The following TTC21B variants were observed in gnomAD, a reference collection of about 807,000 sequenced individuals.
TTC21B encodes tetratricopeptide repeat domain 21B, also known as tetratricopeptide repeat protein 21B.
Under a neutral mutation model 175.1 loss-of-function variants are expected in TTC21B, and 127 were observed. The ratio of observed to expected loss-of-function variants is 0.73; its 90% CI spans 0.63 to 0.84. TTC21B has a LOEUF of 0.84. Among genes scored for constraint, TTC21B ranks in the 40% least tolerant of loss-of-function variants. The pLI is 0.00. For synonymous variants in TTC21B, 524 were observed against 524.5 expected (o/e 1.00, Z 0.01); for missense variants, 1,561 against 1,558.3 (o/e 1.00, Z -0.03).
At chr2:165,921,557 G>A (rs566520608) in intron 12 of TTC21B, among the ~76,000 whole-genome samples, 1 of 152,188 alleles carries the variant, frequency 6.6e-6, no homozygotes, top group South Asian at 2.1e-4. Flanking sequence ...GAAACTGAGG[G>A]ACCTCCAAAT....
chr2:165,876,954 C>T (rs928300444), intron 27 of TTC21B, among the ~76,000 whole-genome samples: 1 of 152,106 alleles, frequency 6.6e-6, no homozygotes, highest in African/African-American at 2.4e-5. Flanking sequence ...CAGAGGAAGG[C>T]AGATTAGTCA....
Position 165,927,272 on chromosome 2 carries a change from ATATATATATATATCCTAGTAGT to A in TTC21B, c.1386+1841_1386+1862del, listed in dbSNP as rs1559064804. On this transcript the variant is annotated intron_variant, in intron 11 of 28. Transcript: ENST00000243344. ...TATATATATATATATCCTAGTAGTT[ATATATATATATATCCTAGTAGT>A]TATATATATATATTATATATTATAT... 4.6e-3 allele frequency among the ~76,000 whole-genome samples: 366 copies of A among 79,054 alleles called. 49 individuals are homozygous for A. Among genetic ancestry groups the A allele is most frequent in the East Asian group, 0.014 (42 of 3,068 alleles). 51.9% of individuals were successfully genotyped at this position (79,054 alleles called of 152,430 possible).
At chr2:165,894,481 A>C (rs1685295884) in intron 22 of TTC21B, among the ~76,000 whole-genome samples, 1 of 152,200 alleles carries the variant, frequency 6.6e-6, no homozygotes, top group Non-Finnish European at 1.5e-5. Context: ...TCTGTGGATA[A>C]GTATGTAAGG....
intron 4 of TTC21B, among the ~76,000 whole-genome samples, chr2:165,945,254 G>C (rs1421820200): frequency 6.6e-6 from 1 of 151,718 alleles, no homozygotes; most frequent in East Asian, 1.9e-4. Context: ...AGGAAAAAAA[G>C]GTAGAGAAAA....
rs199888705 is a variant in TTC21B, at chr2:165,929,671, C to A, written c.1164G>T (p.Gln388His). ...DQQLEFLNEIQQSIGKSAELI... is the reference protein window; with the variant it reads ...DQQLEFLNEIHQSIGKSAELI... ...GTACCGCAGATTTTCCAATGGATTG[C>A]TGGATTTCATTTAAAAATTCTAGCT... The change falls in exon 10 of 29, where the codon CAG becomes CAT. Residue 388 changes from glutamine to histidine, a missense_variant. Gln to His is a conservative substitution (Grantham distance 24). Coordinates refer to ENST00000243344, the MANE Select transcript of TTC21B (RefSeq NM_024753.5). 6.2e-7 allele frequency: 1 copy of A among 1,612,290 alleles called. No individual in the cohort carries two copies. Among genetic ancestry groups the A allele is most frequent in the Admixed American group, 1.7e-5 (1 of 59,894 alleles).
In TTC21B at chr2:165,899,838, G is replaced by A. The variant is rs756025000; in HGVS notation, c.2800C>T (p.Pro934Ser). ...GCACACTGCCGCAGGCAGGAATCAG[G>A]GTCATCTTGTGCCAGGTATAATCGT... ...LARLYLAQDD[P>S]DSCLRQCALL... Residue 934 changes from proline to serine, a missense_variant, in exon 21 of 29, where the codon CCT becomes TCT. Pro to Ser is a moderately conservative substitution (Grantham distance 74). Coordinates refer to ENST00000243344, the MANE Select transcript of TTC21B (RefSeq NM_024753.5). 8 of 1,613,958 alleles carry A rather than the reference G, an allele frequency of 5.0e-6. No individual in the cohort carries two copies. The South Asian group carries it at 8.8e-5, about 18-fold the overall frequency.
chr2:165,885,658 C>T (rs1014769913), intron 25 of TTC21B, among the ~76,000 whole-genome samples: 3 of 152,108 alleles, frequency 2.0e-5, no homozygotes, highest in South Asian at 2.1e-4. Flanking sequence ...ATGAAAAGGT[C>T]CCACATTCCC....
chr2:165,933,705 T>C (rs1384666817), intron 6 of TTC21B, among the ~76,000 whole-genome samples: 1 of 152,134 alleles, frequency 6.6e-6, no homozygotes, highest in East Asian at 1.9e-4. Context: ...TTTTCAACCC[T>C]CCCTGAGTAC....
chr2:165,898,482 T>G lies in TTC21B; in HGVS notation c.2950+204A>C, dbSNP rs957903595. On this transcript the variant is annotated intron_variant, in intron 22 of 28. Transcript: ENST00000243344. ...GAATACAGTAGGATTACCAGGTTTG[T>G]GCTCATAATTTAAAGTGAGACCAGT... The G allele has an allele frequency of 5.3e-5, 33 of 624,874 alleles. No homozygotes were observed. The African/African-American group carries it at 6.0e-4, about 11-fold the overall frequency. 38.7% of individuals were successfully genotyped at this position (624,874 alleles called of 1,614,324 possible). A position where few individuals can be genotyped will look rare whatever the true frequency, so the allele number is the denominator to read the frequency against.
Position 165,924,600 on chromosome 2 carries a change from G to A in TTC21B, c.1465C>T (p.Pro489Ser). Reference sequence around the variant, plus strand: ...AGGAAGACTGTTTGCAGAAGACCTGGAACAGTTCTTACTACAGTCTCCAGG... The same window carrying A: ...AGGAAGACTGTTTGCAGAAGACCTGAAACAGTTCTTACTACAGTCTCCAGG... ...SVLETVVRTV[P>S]GLLQTVFLIA... The change falls in exon 12 of 29, where the codon CCA becomes TCA. Residue 489 changes from proline (P) to serine (S), a missense_variant. By Grantham distance (74) the Pro-to-Ser change is moderately conservative. Transcript: ENST00000243344. The A allele has an allele frequency of 6.2e-7, 1 of 1,613,584 alleles. No individual in the cohort carries two copies. The highest frequency in any genetic ancestry group is 8.5e-7 in the Non-Finnish European group (1 of 1,179,710).
At chr2:165,949,863 C>T (rs1687707261) in intron 1 of TTC21B, 139 bp from the exon 2 acceptor site, 2 of 741,968 alleles carry the variant, frequency 2.7e-6, no homozygotes, top group African/African-American at 3.5e-5. Context: ...TCTTAAAATA[C>T]TATTAATGGC....
At chr2:165,930,483 AAAAT>A in intron 8 of TTC21B, 119 bp from the exon 9 acceptor site, 1 of 657,070 alleles carries the variant, frequency 1.5e-6, no homozygotes, top group Non-Finnish European at 2.3e-6. Context: ...GAAAAAGAAA[AAAAT>A]TAATAATTAA....
In TTC21B at chr2:165,880,937, A is replaced by C. The variant is rs1027065986; in HGVS notation, c.3685-138T>G. On this transcript the variant is annotated intron_variant, in intron 26 of 28. Coordinates refer to ENST00000243344, the MANE Select transcript of TTC21B (RefSeq NM_024753.5). ...CAATGGTTTTCAACCTTGGCTAGGCAATCAAATTTTTTACTGAACTTAATA... is the reference window on the plus strand; with the variant it reads ...CAATGGTTTTCAACCTTGGCTAGGCCATCAAATTTTTTACTGAACTTAATA... 12 of 899,048 alleles carry C rather than the reference A, an allele frequency of 1.3e-5. No individual in the cohort carries two copies. In the African/African-American group the frequency reaches 2.0e-4, roughly 15 times the overall value. 55.7% of individuals were successfully genotyped at this position (899,048 alleles called of 1,614,324 possible).
At chr2:165,953,637 A>T (rs1477249556) in intron 1 of TTC21B, 48 bp downstream of exon 1, 1 of 1,369,720 alleles carries the variant, frequency 7.3e-7, no homozygotes, top group Non-Finnish European at 9.6e-7. Context: ...GCCGCAAAGG[A>T]ACTCCGCCCG....
chr2:165,900,871 T>C (rs1274708366), intron 20 of TTC21B, among the ~76,000 whole-genome samples: 1 of 151,826 alleles, frequency 6.6e-6, no homozygotes, highest in East Asian at 1.9e-4. Flanking sequence ...TCCATTATAG[T>C]TTTTAAATAA....
rs186538479 is a variant in TTC21B at position 165,898,979 on chromosome 2, T to C, written c.2869-212A>G. ...AAGATAATCAAGGATGTGAAACAGA[T>C]TGCTCTGCTTGCAAAATTGTATTTT... On this transcript the variant is annotated intron_variant, in intron 21 of 28. Coordinates refer to ENST00000243344, the MANE Select transcript of TTC21B (RefSeq NM_024753.5). Among the ~76,000 whole-genome samples, 259 of 152,298 alleles carry C rather than the reference T, an allele frequency of 1.7e-3. 1 individual carries two copies. Among genetic ancestry groups the C allele is most frequent in the Non-Finnish European group, 3.2e-3 (219 of 68,018 alleles).
chr2:165,907,215 GAT>G (rs2105313009), intron 19 of TTC21B, among the ~76,000 whole-genome samples: 1 of 152,042 alleles, frequency 6.6e-6, no homozygotes. Flanking sequence ...TAGTATATTT[GAT>G]AATAATTCAA....
intron 1 of TTC21B, among the ~76,000 whole-genome samples, chr2:165,951,753 C>T (rs560373131): frequency 2.0e-5 from 3 of 152,156 alleles, no homozygotes; most frequent in East Asian, 3.8e-4. Flanking sequence ...CCTGTCCCCC[C>T]GGAAAACCTA....
intron 6 of TTC21B, among the ~76,000 whole-genome samples, chr2:165,939,820 C>G (rs1484163999): frequency 6.6e-6 from 1 of 152,138 alleles, no homozygotes; most frequent in Non-Finnish European, 1.5e-5. Flanking sequence ...AAACTCTATC[C>G]TCTAGTGCAA....
Sources: allele counts gnomAD v4.1 joint callset (sites outside exome capture counted in the v4.1 genomes callset), GRCh38; gene constraint gnomAD v4.1.1; transcripts MANE v1.5; gene names NCBI Gene and HGNC (gene_info 2026-07-23, HGNC 2026-07-21).